SLC1A2: variants seen among roughly 807,000 people sequenced by gnomAD.
SLC1A2 encodes excitatory amino acid transporter 2.
A neutral mutation model predicts 48.8 loss-of-function variants in SLC1A2; 15 were observed. That is an observed-to-expected ratio of 0.31 (90% CI 0.21 to 0.47). The LOEUF is 0.47. Ranked by LOEUF, SLC1A2 falls within the 20% of genes least tolerant of loss-of-function variation. SLC1A2 has a pLI of 0.99. For synonymous variants in SLC1A2, 279 were observed against 272.6 expected (o/e 1.02, Z -0.23); for missense variants, 502 against 730.5 (o/e 0.69, Z 3.61).
At chr11:35,369,412 G>C (rs1319173361) in intron 1 of SLC1A2, among the ~76,000 whole-genome samples, 1 of 152,188 alleles carries the variant, frequency 6.6e-6, no homozygotes, top group Non-Finnish European at 1.5e-5. Context: ...CCAAGCTCCA[G>C]GTTCCTTACC....
chr11:35,338,303 C>A (rs1852707861), intron 1 of SLC1A2, among the ~76,000 whole-genome samples: 1 of 152,184 alleles, frequency 6.6e-6, no homozygotes, highest in South Asian at 2.1e-4. Flanking sequence ...CCCTACATAA[C>A]AAATCTGTTG....
chr11:35,284,096 TA>T (rs1470926899), intron 8 of SLC1A2, among the ~76,000 whole-genome samples: 8 of 142,146 alleles, frequency 5.6e-5, no homozygotes, highest in Non-Finnish European at 1.2e-4. Context: ...ATTATATATA[TA>T]TATATATATA....
At chr11:35,344,836 A>G (rs1590211016) in intron 1 of SLC1A2, among the ~76,000 whole-genome samples, 1 of 151,946 alleles carries the variant, frequency 6.6e-6, no homozygotes, top group Admixed American at 6.6e-5. Context: ...CTGCTCACTC[A>G]CCCTCTCTGT....
At chr11:35,399,674 C>T in intron 1 of SLC1A2, 1 of 888,690 alleles carries the variant, frequency 1.1e-6, no homozygotes, top group Non-Finnish European at 1.3e-6. Context: ...ATATTCAGCT[C>T]TTTCCATCTG....
rs1458988969 is a variant in SLC1A2 at position 35,286,840 on chromosome 11, T to C, written c.1203A>G (p.Thr401=). The change falls in exon 8 of 11, where the codon ACA becomes ACG. Residue 401 remains threonine, a synonymous_variant. Coordinates refer to ENST00000278379, the MANE Select transcript of SLC1A2 (RefSeq NM_004171.4). ...TGGCGGCTACCGCTTCATAAAGGGC[T>C]GTACCATCCATGTTAATGGTTGCTC... ...PVGATINMDG[T]ALYEAVAAIF... 2.4e-5 allele frequency: 39 copies of C among 1,613,924 alleles called. No homozygotes were observed. In the Admixed American group the frequency reaches 5.7e-4, roughly 23 times the overall value.
At chr11:35,301,452 C>CA in intron 6 of SLC1A2, 67 bp downstream of exon 6, 1 of 1,512,380 alleles carries the variant, frequency 6.6e-7, no homozygotes, top group Non-Finnish European at 9.1e-7. Flanking sequence ...GGGAGAGCTC[C>CA]AGTATCCTCT....
chr11:35,268,649 C>A, intron 9 of SLC1A2, among the ~76,000 whole-genome samples: 1 of 144,738 alleles, frequency 6.9e-6, no homozygotes, highest in Non-Finnish European at 1.5e-5. Flanking sequence ...TGGGCAAGAG[C>A]AAGACTCTGC....
chr11:35,398,342 G>T (rs1402374193), intron 1 of SLC1A2, among the ~76,000 whole-genome samples: 1 of 152,188 alleles, frequency 6.6e-6, no homozygotes, highest in East Asian at 1.9e-4. Flanking sequence ...AAAAAGGAAT[G>T]AAATCATGTC....
intron 8 of SLC1A2, among the ~76,000 whole-genome samples, chr11:35,283,401 A>G (rs1402515687): frequency 1.3e-5 from 2 of 152,220 alleles, no homozygotes; most frequent in Non-Finnish European, 2.9e-5. Flanking sequence ...TGGGTGCCCC[A>G]GAGGTAGCCC....
chr11:35,418,799 C>A, intron 1 of SLC1A2, 151 bp downstream of exon 1: 1 of 660,246 alleles, frequency 1.5e-6, no homozygotes, highest in South Asian at 1.7e-5. Context: ...AATCAATCCC[C>A]TCCCCACCAT....
chr11:35,284,110 T>TAA (rs1554993897), intron 8 of SLC1A2, among the ~76,000 whole-genome samples: 2,815 of 141,048 alleles, frequency 0.02, 78 homozygotes, highest in Middle Eastern at 0.066. Context: ...TATATATATA[T>TAA]AAATTATTAT....
intron 4 of SLC1A2, among the ~76,000 whole-genome samples, chr11:35,311,975 T>C (rs987503052): frequency 8.2e-6 from 1 of 122,024 alleles, no homozygotes; most frequent in African/African-American, 3.1e-5. Flanking sequence ...CAAAAATATA[T>C]TAAGTGAGCT....
intron 1 of SLC1A2, among the ~76,000 whole-genome samples, chr11:35,388,118 T>C (rs1328849897): frequency 1.3e-5 from 2 of 152,216 alleles, no homozygotes; most frequent in African/African-American, 2.4e-5. Flanking sequence ...TCATTCTACG[T>C]ATCAACCCTC....
At chr11:35,350,747 C>A (rs1015092256) in intron 1 of SLC1A2, among the ~76,000 whole-genome samples, 3 of 152,214 alleles carry the variant, frequency 2.0e-5, no homozygotes, top group Non-Finnish European at 2.9e-5. Context: ...AGCTGCCCAT[C>A]AAGCCTGATT....
chr11:35,315,219 G>T, intron 2 of SLC1A2, 44 bp from the exon 3 acceptor site: 1 of 1,503,214 alleles, frequency 6.7e-7, no homozygotes, highest in East Asian at 2.3e-5. Context: ...TTTTGCCTTC[G>T]TCAAATGACT....
In SLC1A2 at chr11:35,293,197, G is replaced by C. The variant is rs112473919; in HGVS notation, c.858-677C>G. Among the ~76,000 whole-genome samples, 678 of 152,228 alleles carry C rather than the reference G, an allele frequency of 4.5e-3. 10 individuals carry two copies. The highest frequency in any genetic ancestry group is 0.016 in the African/African-American group (644 of 41,526). On this transcript the variant is annotated intron_variant, in intron 6 of 10. Transcript: ENST00000278379. ...TGCTTACCACAACCCGAAAATCTAG[G>C]TGTCATTATTGCAACGTGGCAAATA...
At position 35,362,144 on chromosome 11, in the gene SLC1A2, A is replaced by G. The variant is rs377734102; in HGVS notation, c.18-44628T>C. ...GGGCCAGGGGACTCTCCAAACTACC[A>G]TCTACCCCAGACAGCAGATGCCCAA... On this transcript the variant is annotated intron_variant, in intron 1 of 10. Transcript: ENST00000278379. Among the ~76,000 whole-genome samples, 45 of 152,298 alleles carry G rather than the reference A, an allele frequency of 3.0e-4. No homozygotes were observed. In the East Asian group the frequency reaches 7.7e-3, roughly 26 times the overall value.
chr11:35,374,859 T>C (rs7119804), intron 1 of SLC1A2, among the ~76,000 whole-genome samples: 90 of 152,330 alleles, frequency 5.9e-4, no homozygotes, highest in African/African-American at 2.2e-3. Flanking sequence ...TATATATAAA[T>C]GTGTAAGGTG....
At chr11:35,355,807 C>T (rs1287564099) in intron 1 of SLC1A2, among the ~76,000 whole-genome samples, 1 of 151,506 alleles carries the variant, frequency 6.6e-6, no homozygotes, top group Non-Finnish European at 1.5e-5. Flanking sequence ...ATCACTTGAA[C>T]CTGGGAAGCA....
Sources: allele counts gnomAD v4.1 joint callset (sites outside exome capture counted in the v4.1 genomes callset), GRCh38; gene constraint gnomAD v4.1.1; transcripts MANE v1.5; gene names NCBI Gene and HGNC (gene_info 2026-07-23, HGNC 2026-07-21).